Variants in FOXN3 observed in about 807,000 individuals in gnomAD.
FOXN3 encodes forkhead box N3.
Under a neutral mutation model 38.4 loss-of-function variants are expected in FOXN3, and 7 were observed. That is an observed-to-expected ratio of 0.18 (90% CI 0.10 to 0.34). The LOEUF is 0.34. Among genes scored for constraint, FOXN3 ranks in the 10% least tolerant of loss-of-function variants. FOXN3 has a pLI of 1.00. For missense variants in FOXN3, 456 were observed against 613.4 expected, an observed-to-expected ratio of 0.74 and a Z score of 2.71; for synonymous variants, 230 against 242.2, an observed-to-expected ratio of 0.95 and a Z score of 0.47.
intron 4 of FOXN3, among the ~76,000 whole-genome samples, chr14:89,209,891 A>G (rs951631370): frequency 2.0e-5 from 3 of 152,276 alleles, no homozygotes; most frequent in Non-Finnish European, 2.9e-5. Flanking sequence ...ATGCGGATGC[A>G]CTGATGAACT....
chr14:89,385,475 A>G (rs1890766106), intron 2 of FOXN3, among the ~76,000 whole-genome samples: 1 of 149,620 alleles, frequency 6.7e-6, no homozygotes, highest in Non-Finnish European at 1.5e-5. Flanking sequence ...TTCTCTCTGA[A>G]TAACAAAAGC....
At chr14:89,462,443 T>C (rs1892866346) in intron 1 of FOXN3, among the ~76,000 whole-genome samples, 2 of 152,206 alleles carry the variant, frequency 1.3e-5, no homozygotes. Flanking sequence ...GAGTGTAGGA[T>C]CTTACTCTAT....
At chr14:89,497,922 G>GTTT (rs1566675917) in intron 1 of FOXN3, among the ~76,000 whole-genome samples, 4 of 120,984 alleles carry the variant, frequency 3.3e-5, no homozygotes, top group African/African-American at 1.2e-4. Context: ...TTGTTTGTTT[G>GTTT]GTTTTTTTTT....
chr14:89,308,692 G>A (rs558752975), intron 3 of FOXN3, among the ~76,000 whole-genome samples: 1 of 152,364 alleles, frequency 6.6e-6, no homozygotes, highest in East Asian at 1.9e-4. Flanking sequence ...CTCAAAAAGA[G>A]AAGCTGAGTC....
intron 2 of FOXN3, among the ~76,000 whole-genome samples, chr14:89,360,101 T>C (rs553717752): frequency 2.2e-4 from 33 of 152,316 alleles, no homozygotes; most frequent in Middle Eastern, 3.4e-3. Flanking sequence ...TATTTCACTA[T>C]GAGTGCCCAG....
chr14:89,205,530 G>A (rs186551002), intron 4 of FOXN3, among the ~76,000 whole-genome samples: 1 of 152,224 alleles, frequency 6.6e-6, no homozygotes, highest in African/African-American at 2.4e-5. Context: ...GACGTTAAGA[G>A]GAGCAGAACA....
chr14:89,599,508 T>C (rs1363451983), intron 1 of FOXN3, among the ~76,000 whole-genome samples: 1 of 152,234 alleles, frequency 6.6e-6, no homozygotes, highest in Non-Finnish European at 1.5e-5. Context: ...AGGGACCATA[T>C]TTGATTATCT....
At chr14:89,457,600 T>C (rs1892752763) in intron 1 of FOXN3, among the ~76,000 whole-genome samples, 1 of 152,142 alleles carries the variant, frequency 6.6e-6, no homozygotes, top group South Asian at 2.1e-4. Flanking sequence ...TTGTGAAAAA[T>C]CATGGAAATC....
chr14:89,360,479 GGGGAAGGAAAGAGGAA>G (rs1889433034), intron 2 of FOXN3, among the ~76,000 whole-genome samples: 1 of 149,200 alleles, frequency 6.7e-6, no homozygotes, highest in South Asian at 2.2e-4. Context: ...AGGAGAAAGA[GGGGAAGGAAAGAGGAA>G]GGGAGGGAAA....
chr14:89,419,440 C>T (rs1566649844), upstream of FOXN3: 2 of 318,208 alleles, frequency 6.3e-6, no homozygotes, highest in Admixed American at 4.2e-5. Flanking sequence ...AGGACCCTTG[C>T]GTCTTAGGTC....
At chr14:89,309,087 A>T (rs1887458919) in intron 3 of FOXN3, among the ~76,000 whole-genome samples, 1 of 152,112 alleles carries the variant, frequency 6.6e-6, no homozygotes, top group South Asian at 2.1e-4. Flanking sequence ...TCCTTGTAGT[A>T]GTTTAAATGC....
intron 1 of FOXN3, among the ~76,000 whole-genome samples, chr14:89,526,104 G>T (rs1161010661): frequency 7.7e-6 from 1 of 130,170 alleles, no homozygotes; most frequent in Non-Finnish European, 1.7e-5. Context: ...ATCAAACTAG[G>T]AATAGAAGGA....
chr14:89,429,232 G>A (rs1008813848), intron 1 of FOXN3, among the ~76,000 whole-genome samples: 22 of 152,116 alleles, frequency 1.4e-4, no homozygotes, highest in Admixed American at 9.8e-4. Flanking sequence ...ATCTGGCCTC[G>A]CAGATTTATT....
At chr14:89,255,367 T>C (rs1366841100) in intron 4 of FOXN3, among the ~76,000 whole-genome samples, 1 of 152,014 alleles carries the variant, frequency 6.6e-6, no homozygotes, top group African/African-American at 2.4e-5. Flanking sequence ...CAGCTGCCTA[T>C]GAAGATGAAT....
chr14:89,431,384 T>G (rs1041390222), intron 1 of FOXN3, among the ~76,000 whole-genome samples: 2 of 152,008 alleles, frequency 1.3e-5, no homozygotes, highest in Non-Finnish European at 2.9e-5. Flanking sequence ...CTAATTTTTG[T>G]ATTTTTGGTA....
At chr14:89,333,939 GATAA>G (rs1888344083) in intron 3 of FOXN3, among the ~76,000 whole-genome samples, 2 of 143,536 alleles carry the variant, frequency 1.4e-5, no homozygotes, top group East Asian at 4.1e-4. Context: ...TCCACTGACA[GATAA>G]ATTAATGAAG....
chr14:89,492,842 T>C (rs1277291294), intron 1 of FOXN3, among the ~76,000 whole-genome samples: 1 of 152,200 alleles, frequency 6.6e-6, no homozygotes, highest in Non-Finnish European at 1.5e-5. Context: ...ATCAACTTAT[T>C]TAGAAAGGCA....
chr14:89,286,085 G>C (rs1886621254), intron 3 of FOXN3, among the ~76,000 whole-genome samples: 1 of 151,230 alleles, frequency 6.6e-6, no homozygotes, highest in East Asian at 2.0e-4. Flanking sequence ...TGCTCAGGCT[G>C]ATCCCAAACA....
At chr14:89,290,868 T>C in intron 3 of FOXN3, 1 of 287,300 alleles carries the variant, frequency 3.5e-6, no homozygotes, top group Non-Finnish European at 6.9e-6. Context: ...GGACTTTTCT[T>C]TTGTGTCTTC....
Sources: gnomAD v4.1 joint callset for allele counts (sites outside exome capture counted in the v4.1 genomes callset) on GRCh38, gnomAD v4.1.1 for gene constraint, MANE v1.5 for transcripts, NCBI Gene and HGNC (gene_info 2026-07-23, HGNC 2026-07-21) for gene names.